Variants in MBD6 observed in about 807,000 individuals in gnomAD.
MBD6 encodes methyl-CpG-binding domain protein 6.
In MBD6, 22 loss-of-function variants were observed where a neutral mutation model predicts 66.8. The observed-to-expected ratio is 0.33, with a 90% CI of 0.24 to 0.47. MBD6 has a LOEUF of 0.47. Among genes scored for constraint, MBD6 ranks in the 20% least tolerant of loss-of-function variants. The pLI, the probability that MBD6 is intolerant of heterozygous loss-of-function variation, is 1.00. For missense variants in MBD6, 1,322 were observed against 1,286.9 expected (o/e 1.03, Z -0.42); for synonymous variants, 540 against 534.6 (o/e 1.01, Z -0.14).
Position 57,529,428 on chromosome 12 carries a change from ACCACCC to A in MBD6, c.*197_*202del. On this transcript the variant is annotated 3_prime_UTR_variant, in exon 13 of 13. Coordinates refer to ENST00000355673, the MANE Select transcript of MBD6 (RefSeq NM_052897.4). Reference sequence around the variant, plus strand: ...GGGGCAGGGAAGTTCACCCCCCCCCACCACCCCCCCGCCCCCCCGAAGCCATGTCAC... The same window carrying A: ...GGGGCAGGGAAGTTCACCCCCCCCCACCCCGCCCCCCCGAAGCCATGTCAC... 5.0e-6 allele frequency: 2 copies of A among 396,990 alleles called. 1 individual carries two copies. The highest frequency in any genetic ancestry group is 5.4e-5 in the South Asian group (2 of 36,738). 24.6% of individuals were successfully genotyped at this position (396,990 alleles called of 1,614,324 possible).
At chr12:57,521,056 G>A (rs1239108904), upstream of MBD6, 2 of 152,304 alleles carry the variant, frequency 1.3e-5, no homozygotes, top group African/African-American at 4.8e-5. Context: ...CCACTATAAG[G>A]GACTCCCATA....
chr12:57,522,770 GGCA>G (rs1156821759), upstream of MBD6: 310 of 158,500 alleles, frequency 2.0e-3, 4 homozygotes, highest in Non-Finnish European at 3.3e-3. Context: ...CGGCGGCGGC[GGCA>G]GCGGCAGCAG....
intron 10 of MBD6, 36 bp from the exon 11 acceptor site, chr12:57,528,630 C>A (rs376869113): frequency 4.8e-5 from 78 of 1,612,828 alleles, no homozygotes; most frequent in Non-Finnish European, 6.3e-5. Flanking sequence ...GAGCCTTTTT[C>A]GAAATTTCCC....
chr12:57,530,333 G>A, downstream of MBD6: 1 of 203,172 alleles, frequency 4.9e-6, no homozygotes, highest in Non-Finnish European at 1.0e-5. Flanking sequence ...GCATTTAATG[G>A]TCAGAAACAG....
At chr12:57,531,504 G>A (rs775323), downstream of MBD6, among the ~76,000 whole-genome samples, 24,156 of 152,162 alleles carry the variant, frequency 0.16, 2,017 homozygotes, top group East Asian at 0.27. Context: ...GCAACAGAGC[G>A]AGACTCTGTC....
chr12:57,524,818 C>G lies in MBD6; in HGVS notation c.212C>G (p.Pro71Arg), dbSNP rs537746125. The G allele has an allele frequency of 6.2e-7, 1 of 1,614,052 alleles. No individual in the cohort carries two copies. The highest frequency in any genetic ancestry group is 1.3e-5 in the African/African-American group (1 of 74,912). Residue 71 changes from proline to arginine, a missense_variant, in exon 4 of 13, where the codon CCC becomes CGC. Physicochemically the swap from Pro to Arg is moderately radical, Grantham distance 103 (BLOSUM62 -2). Coordinates refer to ENST00000355673, the MANE Select transcript of MBD6 (RefSeq NM_052897.4). ...KCGLECPLNV[P>R]KVFNFDPLAP... ...GGTCTGGAGTGTCCACTTAATGTCC[C>G]CAAGGTCAGAGTGGTGAGGGGCGCC...
At chr12:57,522,259 C>T (rs1148557), upstream of MBD6, among the ~76,000 whole-genome samples, 27,529 of 152,126 alleles carry the variant, frequency 0.18, 2,684 homozygotes, top group East Asian at 0.29. Context: ...AGATGGTCTC[C>T]CCTGGCCTAA....
In MBD6 at chr12:57,522,884, C is replaced by G; in HGVS notation, c.-216C>G. On this transcript the variant is annotated 5_prime_UTR_variant, in exon 1 of 13. Transcript: ENST00000355673. ...CGGTGATCCGCGGCGGCGGCAGCGGCGCTTCCTGCTAGGACCGGCCGGGGC... is the reference window on the plus strand; with the variant it reads ...CGGTGATCCGCGGCGGCGGCAGCGGGGCTTCCTGCTAGGACCGGCCGGGGC... 1 of 154,086 alleles carries G rather than the reference C, an allele frequency of 6.5e-6. No individual in the cohort carries two copies. Among genetic ancestry groups the G allele is most frequent in the Non-Finnish European group, 1.4e-5 (1 of 69,028 alleles). 9.5% of individuals were successfully genotyped at this position (154,086 alleles called of 1,614,324 possible). A position where few individuals can be genotyped will look rare whatever the true frequency, so the allele number is the denominator to read the frequency against.
intron 12 of MBD6, 35 bp from the exon 13 acceptor site, chr12:57,529,125 T>C (rs199694034): frequency 1.2e-5 from 19 of 1,613,750 alleles, no homozygotes; most frequent in Admixed American, 6.7e-5. Context: ...TACCTAGCAA[T>C]TGACCACTTC....
chr12:57,523,654 T>G (rs1878606614), intron 1 of MBD6, among the ~76,000 whole-genome samples: 1 of 152,148 alleles, frequency 6.6e-6, no homozygotes. Flanking sequence ...TCTGTACTTT[T>G]TATATCATCT....
Position 57,525,530 on chromosome 12 carries a change from A to G in MBD6, c.562A>G (p.Arg188Gly). 6.3e-7 allele frequency: 1 copy of G among 1,592,176 alleles called. No individual in the cohort carries two copies. The highest frequency in any genetic ancestry group is 1.8e-5 in the Admixed American group (1 of 56,806). The change falls in exon 6 of 13, where the codon AGG becomes GGG. Residue 188 changes from arginine to glycine, a missense_variant. Coordinates refer to ENST00000355673, the MANE Select transcript of MBD6 (RefSeq NM_052897.4). The stretch of plus-strand genomic sequence containing the variant: ...AGGCCCTGGGGGGCTTTTCCCCCCA[A>G]GGCTTGCTGACCCAGTCCCTTCTGG... ...LAGPGGLFPP[R>G]LADPVPSGGS... is the part of the protein sequence containing the mutation.
intron 6 of MBD6, 84 bp from the exon 7 acceptor site, chr12:57,526,482 C>T: frequency 4.0e-6 from 6 of 1,512,052 alleles, no homozygotes; most frequent in Non-Finnish European, 5.3e-6. Context: ...TGAGGGTTTT[C>T]TGGGTTGGGG....
Position 57,527,154 on chromosome 12 carries a change from C to A in MBD6, c.2009C>A (p.Pro670His). 6.7e-7 allele frequency: 1 copy of A among 1,489,000 alleles called. No homozygotes were observed. 92.2% of individuals were successfully genotyped at this position (1,489,000 alleles called of 1,614,324 possible). The stretch of plus-strand genomic sequence containing the variant: ...CTACTTTTCCCCCCACTTTCAGCCC[C>A]CCCTACCCTCATAGCTTTAAATTCT... ...SPLLFPPLSA[P>H]PTLIALNSAL... The change falls in exon 7 of 13, where the codon CCC becomes CAC. Residue 670 changes from proline to histidine, a missense_variant. Physicochemically the swap from Pro to His is moderately conservative, Grantham distance 77 (BLOSUM62 -2). Coordinates refer to ENST00000355673, the MANE Select transcript of MBD6 (RefSeq NM_052897.4).
Position 57,525,967 on chromosome 12 carries a change from C to T in MBD6, c.999C>T (p.Pro333=). The change falls in exon 6 of 13, where the codon CCC becomes CCT. Residue 333 remains proline (P), a synonymous_variant. Coordinates refer to ENST00000355673, the MANE Select transcript of MBD6 (RefSeq NM_052897.4). ...LLSAAAKAQH[P]PLPPPSTLQG... is the part of the protein sequence containing the mutation. ...CTGCAGCGGCCAAGGCACAGCATCC[C>T]CCACTACCCCCTCCCAGCACTTTAC... 6.2e-7 allele frequency: 1 copy of T among 1,613,648 alleles called. No homozygotes were observed. Among genetic ancestry groups the T allele is most frequent in the Non-Finnish European group, 8.5e-7 (1 of 1,179,880 alleles).
At chr12:57,530,863 C>G, downstream of MBD6, 4 of 1,170,568 alleles carry the variant, frequency 3.4e-6, no homozygotes, top group South Asian at 2.6e-5. Context: ...AGAGAGAAGA[C>G]AAGAAATGGA....
chr12:57,526,567 T>C lies in MBD6; in HGVS notation c.1422T>C (p.Gly474=). ...CTGAATTTCTCTCCTCTTTTACAGGTGCCCCTGCCCCACCAGCTGCCTCCA... is the reference window on the plus strand; with the variant it reads ...CTGAATTTCTCTCCTCTTTTACAGGCGCCCCTGCCCCACCAGCTGCCTCCA... ...TTSGSLSSVP[G]APAPPAASKA... Residue 474 remains glycine, a splice_region_variant and synonymous_variant, in exon 7 of 13, where the codon GGT becomes GGC. Transcript: ENST00000355673. The C allele has an allele frequency of 6.6e-7, 1 of 1,510,160 alleles. No individual in the cohort carries two copies. The highest frequency in any genetic ancestry group is 8.8e-7 in the Non-Finnish European group (1 of 1,130,728). 93.5% of individuals were successfully genotyped at this position (1,510,160 alleles called of 1,614,324 possible).
At position 57,527,955 on chromosome 12, in the gene MBD6, G is replaced by T; in HGVS notation, c.2344G>T (p.Gly782Ter). ...GGGGCTGCAGCTCCTCCCTGGGGGG[G>T]GAGCTCCTCCACCCCTCTCAGAGGC... ...QLGLQLLPGG[G>*]APPPLSEASS... The change falls in exon 9 of 13, where the codon GGA becomes TGA. Residue 782 changes from glycine to a stop codon, truncating the protein, a stop_gained. Coordinates refer to ENST00000355673, the MANE Select transcript of MBD6 (RefSeq NM_052897.4). LOFTEE classifies it high-confidence loss of function. The T allele has an allele frequency of 6.3e-7, 1 of 1,595,072 alleles. No homozygotes were observed. Among genetic ancestry groups the T allele is most frequent in the Non-Finnish European group, 8.5e-7 (1 of 1,172,412 alleles).
rs374560854 is a variant in MBD6 at position 57,528,255 on chromosome 12, G to A, written c.2515G>A (p.Gly839Ser). 160 of 1,606,156 alleles carry A rather than the reference G, an allele frequency of 1.0e-4. No individual in the cohort carries two copies. Among genetic ancestry groups the A allele is most frequent in the Middle Eastern group, 1.7e-4 (1 of 5,992 alleles). ...PPLSALAPPH[G>S]SPDPPVPELL... ...CCTCAGTGCCTTAGCCCCACCCCAT[G>A]GTTCTCCCGACCCCCCAGTCCCTGA... Residue 839 changes from glycine (G) to serine (S), a missense_variant, in exon 10 of 13, where the codon GGT (glycine) becomes AGT (serine). Transcript: ENST00000355673.
intron 7 of MBD6, 87 bp from the exon 8 acceptor site, chr12:57,527,420 G>T: frequency 1.4e-5 from 20 of 1,480,090 alleles, no homozygotes; most frequent in Non-Finnish European, 1.9e-5. Flanking sequence ...CTCACTTGAG[G>T]CTTCAGTCAG....
Sources: gnomAD v4.1 joint callset for allele counts (sites outside exome capture counted in the v4.1 genomes callset) on GRCh38, gnomAD v4.1.1 for gene constraint, MANE v1.5 for transcripts, NCBI Gene and HGNC (gene_info 2026-07-23, HGNC 2026-07-21) for gene names.